DUSP8: variants seen among roughly 807,000 people sequenced by gnomAD.
DUSP8 encodes the protein dual specificity protein phosphatase 8.
Under a neutral mutation model 38.7 loss-of-function variants are expected in DUSP8, and 15 were observed. That is an observed-to-expected ratio of 0.39 (90% CI 0.26 to 0.60). The LOEUF is 0.60. DUSP8 is among the 20% of genes least tolerant of loss of function. The pLI is 0.56. For synonymous variants in DUSP8, 458 were observed against 433.9 expected, an observed-to-expected ratio of 1.06 and a Z score of -0.69; for missense variants, 768 against 915.0, an observed-to-expected ratio of 0.84 and a Z score of 2.07.
At chr11:1,565,537 G>A (rs1447222742) in intron 2 of DUSP8, 59 bp downstream of exon 2, 2 of 1,385,352 alleles carry the variant, frequency 1.4e-6, no homozygotes, top group East Asian at 4.9e-5. Flanking sequence ...CCGAGCTGAG[G>A]GCCCCTTAGC....
Position 1,555,173 on chromosome 11 carries a change from G to A in DUSP8, c.*1345C>T. 1.7e-5 allele frequency: 17 copies of A among 987,968 alleles called. No homozygotes were observed. Among genetic ancestry groups the A allele is most frequent in the Non-Finnish European group, 2.0e-5 (17 of 830,234 alleles). 61.2% of individuals were successfully genotyped at this position (987,968 alleles called of 1,614,324 possible). A position where few individuals can be genotyped will look rare whatever the true frequency, so the allele number is the denominator to read the frequency against. The stretch of plus-strand genomic sequence containing the variant: ...GTCCCAATGGCCCGAGGGGGTATGG[G>A]GCAGGGGCAGCAGGCTGACCCACCT... On this transcript the variant is annotated 3_prime_UTR_variant, in exon 7 of 7. Transcript: ENST00000397374.
Position 1,559,092 on chromosome 11 carries a change from A to T in DUSP8, c.371-37T>A, listed in dbSNP as rs374742941. ...GGGCCGTCAAGTGGGTTGAGAGAAC[A>T]CCTAGGGCTCCCTGTCCGCCTAGGG... On this transcript the variant is annotated intron_variant, in intron 3 of 6. Coordinates refer to ENST00000397374, the MANE Select transcript of DUSP8 (RefSeq NM_004420.3). 37 of 1,592,194 alleles carry T rather than the reference A, an allele frequency of 2.3e-5. No individual in the cohort carries two copies. The African/African-American group carries it at 4.2e-4, about 18-fold the overall frequency.
chr11:1,563,397 T>A (rs987404064), intron 3 of DUSP8, among the ~76,000 whole-genome samples: 1 of 152,052 alleles, frequency 6.6e-6, no homozygotes, highest in African/African-American at 2.4e-5. Flanking sequence ...AGGCTGCTTT[T>A]GGGCCACAGG....
In DUSP8 at chr11:1,557,940, C is replaced by T; in HGVS notation, c.698-23G>A. The T allele has an allele frequency of 6.2e-7, 1 of 1,613,560 alleles. No individual in the cohort carries two copies. Among genetic ancestry groups the T allele is most frequent in the Non-Finnish European group, 8.5e-7 (1 of 1,179,962 alleles). On this transcript the variant is annotated intron_variant, in intron 5 of 6. Coordinates refer to ENST00000397374, the MANE Select transcript of DUSP8 (RefSeq NM_004420.3). The surrounding 1 kb of genome is among the most constrained non-coding windows in gnomAD (Gnocchi z 9.9). ...TATCTGGGCAGGTGGGCCATGGGGG[C>T]CAGGTGAGGGCTAAGACTGCACAGC...
At chr11:1,562,686 C>T (rs536153877) in intron 3 of DUSP8, among the ~76,000 whole-genome samples, 1 of 106,662 alleles carries the variant, frequency 9.4e-6, no homozygotes, top group African/African-American at 3.5e-5. Flanking sequence ...TACATGCATG[C>T]ACATGCACAC....
In DUSP8 at chr11:1,556,465, T is replaced by C. The variant is rs1848624919; in HGVS notation, c.*53A>G. 3.2e-6 allele frequency: 4 copies of C among 1,231,584 alleles called. No homozygotes were observed. The highest frequency in any genetic ancestry group is 4.0e-5 in the South Asian group (1 of 24,790). The allele number at this position is 1,231,584 out of a possible 1,614,324, so 76.3% of individuals were successfully genotyped here. A position where few individuals can be genotyped will look rare whatever the true frequency, so the allele number is the denominator to read the frequency against. On this transcript the variant is annotated 3_prime_UTR_variant, in exon 7 of 7. Transcript: ENST00000397374. The surrounding 1 kb of genome is among the most constrained non-coding windows in gnomAD (Gnocchi z 5.2). Reference sequence around the variant, plus strand: ...ACCTTTCTTTGCATTATATATAATATACATTTATAACGGGCCTGGCTGCGG... The same window carrying C: ...ACCTTTCTTTGCATTATATATAATACACATTTATAACGGGCCTGGCTGCGG...
At position 1,558,658 on chromosome 11, in the gene DUSP8, T is replaced by C. The variant is rs1848672823; in HGVS notation, c.537+231A>G. Among the ~76,000 whole-genome samples the C allele has an allele frequency of 6.6e-6, 1 of 151,972 alleles. No homozygotes were observed. Among genetic ancestry groups the C allele is most frequent in the Admixed American group, 6.5e-5 (1 of 15,274 alleles). On this transcript the variant is annotated intron_variant, in intron 4 of 6. Coordinates refer to ENST00000397374, the MANE Select transcript of DUSP8 (RefSeq NM_004420.3). This position sits in a 1 kb window ranked among gnomAD's most constrained non-coding sequence, Gnocchi z 6.3. ...GCAGCTTGGCATGCCAGCTCCCCGC[T>C]CCTCCCCCGAGCCCTGCCGGGCCCT...
chr11:1,557,738 C>T lies in DUSP8; in HGVS notation c.821+56G>A, dbSNP rs1848658476. ...GGTCATTCTGGTGCAAGTGGGCAGCCGGGGGAAGGGAAGCGACGCTGTGAG... is the reference window on the plus strand; with the variant it reads ...GGTCATTCTGGTGCAAGTGGGCAGCTGGGGGAAGGGAAGCGACGCTGTGAG... On this transcript the variant is annotated intron_variant, in intron 6 of 6. Coordinates refer to ENST00000397374, the MANE Select transcript of DUSP8 (RefSeq NM_004420.3). The surrounding 1 kb of genome is among the most constrained non-coding windows in gnomAD (Gnocchi z 9.9). 1.2e-5 allele frequency: 20 copies of T among 1,607,574 alleles called. No individual in the cohort carries two copies. The highest frequency in any genetic ancestry group is 6.6e-5 in the South Asian group (6 of 90,504).
At chr11:1,572,568 G>C (rs1266970463), upstream of DUSP8, among the ~76,000 whole-genome samples, 3 of 151,280 alleles carry the variant, frequency 2.0e-5, no homozygotes, top group African/African-American at 7.3e-5. The surrounding 1 kb of genome is among the most constrained non-coding windows in gnomAD (Gnocchi z 4.7). Context: ...CGGGCCCCGC[G>C]TCACCCAGGC....
chr11:1,557,187 G>A lies in DUSP8; in HGVS notation c.1209C>T (p.Ala403=). 1.3e-6 allele frequency: 2 copies of A among 1,481,760 alleles called. No individual in the cohort carries two copies. Among genetic ancestry groups the A allele is most frequent in the East Asian group, 2.9e-5 (1 of 34,312 alleles). 91.8% of individuals were successfully genotyped at this position (1,481,760 alleles called of 1,614,324 possible). A position where few individuals can be genotyped will look rare whatever the true frequency, so the allele number is the denominator to read the frequency against. Residue 403 remains alanine (A), a synonymous_variant, in exon 7 of 7, where the codon GCC becomes GCT. Coordinates refer to ENST00000397374, the MANE Select transcript of DUSP8 (RefSeq NM_004420.3). This position sits in a 1 kb window ranked among gnomAD's most constrained non-coding sequence, Gnocchi z 9.9. ...SFSLDIKSAY[A]PSRRPDGPGP... ...CGGGGCCGTCGGGCCGCCTGCTAGG[G>A]GCGTAGGCAGACTTGATGTCCAGGG...
intron 2 of DUSP8, among the ~76,000 whole-genome samples, chr11:1,564,665 C>G (rs560625138): frequency 1.3e-5 from 2 of 152,366 alleles, no homozygotes; most frequent in African/African-American, 4.8e-5. Flanking sequence ...CTTAAGCCAG[C>G]TGAGCCGCCA....
At chr11:1,568,069 G>A (rs537018811) in intron 1 of DUSP8, among the ~76,000 whole-genome samples, 1 of 152,344 alleles carries the variant, frequency 6.6e-6, no homozygotes, top group East Asian at 1.9e-4. Context: ...ACCCCGAGAA[G>A]GCTGCAGTGG....
At chr11:1,567,961 C>T (rs926225795) in intron 1 of DUSP8, among the ~76,000 whole-genome samples, 28 of 152,318 alleles carry the variant, frequency 1.8e-4, no homozygotes, top group Admixed American at 3.3e-4. Context: ...GAGCCTTGCA[C>T]AGGTGGTGAG....
intron 1 of DUSP8, among the ~76,000 whole-genome samples, chr11:1,569,431 T>C (rs550741649): frequency 2.0e-5 from 3 of 152,238 alleles, no homozygotes; most frequent in Non-Finnish European, 4.4e-5. Flanking sequence ...CTGGTGCTCC[T>C]TACCCACAAT....
intron 1 of DUSP8, among the ~76,000 whole-genome samples, chr11:1,569,805 C>G (rs1848859986): frequency 6.6e-6 from 1 of 152,192 alleles, no homozygotes; most frequent in Non-Finnish European, 1.5e-5. Flanking sequence ...GACTGTGTCT[C>G]CCCCTCACAC....
rs941630966 is a variant in DUSP8, at chr11:1,565,584, T to C, written c.231+12A>G. On this transcript the variant is annotated intron_variant, in intron 2 of 6. Coordinates refer to ENST00000397374, the MANE Select transcript of DUSP8 (RefSeq NM_004420.3). ...GACGTGATGCATGCCTGGTGGGCAG[T>C]GGGCTGGGTACCTGGCTGCGTGCAG... 1 of 1,590,754 alleles carries C rather than the reference T, an allele frequency of 6.3e-7. No individual in the cohort carries two copies. The highest frequency in any genetic ancestry group is 8.6e-7 in the Non-Finnish European group (1 of 1,165,164).
chr11:1,558,315 CG>C lies in DUSP8; in HGVS notation c.538-45del. ...GGGTTGGAAAGGGGTGGGAGAAGCT[CG>C]GGGCGGGAGTGAAGGTGGAGGCTTT... On this transcript the variant is annotated intron_variant, in intron 4 of 6. Transcript: ENST00000397374. The surrounding 1 kb of genome is among the most constrained non-coding windows in gnomAD (Gnocchi z 6.3). 1 of 323,412 alleles carries C rather than the reference CG, an allele frequency of 3.1e-6. No individual in the cohort carries two copies. Among genetic ancestry groups the C allele is most frequent in the Non-Finnish European group, 6.1e-6 (1 of 162,916 alleles). The allele number at this position is 323,412 out of a possible 1,614,324, so 20.0% of individuals were successfully genotyped here. A position where few individuals can be genotyped will look rare whatever the true frequency, so the allele number is the denominator to read the frequency against.
chr11:1,557,419 C>A lies in DUSP8; in HGVS notation c.977G>T (p.Gly326Val). 6.4e-7 allele frequency: 1 copy of A among 1,564,776 alleles called. No homozygotes were observed. Among genetic ancestry groups the A allele is most frequent in the South Asian group, 1.2e-5 (1 of 86,816 alleles). ...TGGTGGCAGCCGTGGCAGCGGGGCC[C>A]CGGCGGCAGGACTGGGCGGAGGCTC... is the stretch of plus-strand genomic sequence containing the variant. Reference protein sequence around the residue: ...TPEPPPSPAAGAPLPRLPPPT... With the variant: ...TPEPPPSPAAVAPLPRLPPPT... The change falls in exon 7 of 7, where the codon GGG becomes GTG. Residue 326 changes from glycine (G) to valine (V), a missense_variant. Around this residue, in one of 3 missense-constraint regions of DUSP8, gnomAD observed 474 missense variants for 430.8 expected, o/e 1.10. Coordinates refer to ENST00000397374, the MANE Select transcript of DUSP8 (RefSeq NM_004420.3). The surrounding 1 kb of genome is among the most constrained non-coding windows in gnomAD (Gnocchi z 9.9).
intron 3 of DUSP8, among the ~76,000 whole-genome samples, chr11:1,562,157 C>G (rs1030560941): frequency 1.3e-5 from 2 of 152,206 alleles, no homozygotes; most frequent in Admixed American, 1.3e-4. Context: ...CACACCCATG[C>G]TGTCCCACCC....
Sources: gnomAD v4.1 joint callset for allele counts (sites outside exome capture counted in the v4.1 genomes callset) on GRCh38, gnomAD v4.1.1 for gene constraint, gnomAD v4.1.1 regional missense constraint, Gnocchi (gnomAD v3.1) non-coding constraint, MANE v1.5 for transcripts, NCBI Gene and HGNC (gene_info 2026-07-23, HGNC 2026-07-21) for gene names.